The following CKAP4 variants were observed in gnomAD, a reference collection of about 807,000 sequenced individuals.
CKAP4 encodes the protein cytoskeleton associated protein 4.
A neutral mutation model predicts 24.4 loss-of-function variants in CKAP4; 20 were observed. The observed-to-expected ratio is 0.82, with a 90% CI of 0.58 to 1.19. The LOEUF is 1.19. Ranked by LOEUF, CKAP4 falls within the 50% of genes most tolerant of loss-of-function variation. The pLI is 0.00. For synonymous variants in CKAP4, 378 were observed against 351.7 expected, an observed-to-expected ratio of 1.07 and a Z score of -0.84; for missense variants, 744 against 765.3, an observed-to-expected ratio of 0.97 and a Z score of 0.33.
rs542337579 is a variant in CKAP4 at position 106,238,053 on chromosome 12, A to G, written c.*971T>C. 6 of 145,440 alleles carry G rather than the reference A, an allele frequency of 4.1e-5. No individual in the cohort carries two copies. The highest frequency in any genetic ancestry group is 9.0e-5 in the Non-Finnish European group (6 of 66,900). The allele number at this position is 145,440 out of a possible 1,614,324, so 9.0% of individuals were successfully genotyped here. A position where few individuals can be genotyped will look rare whatever the true frequency, so the allele number is the denominator to read the frequency against. ...AGGGCAAGACAGCCATTAAAGAACA[A>G]TACAGCTCAGAGGGAAGGGAGATAC... On this transcript the variant is annotated 3_prime_UTR_variant, in exon 2 of 2. Coordinates refer to ENST00000378026, the MANE Select transcript of CKAP4 (RefSeq NM_006825.4).
intron 1 of CKAP4, among the ~76,000 whole-genome samples, chr12:106,241,461 T>G (rs969274094): frequency 6.7e-6 from 1 of 150,172 alleles, no homozygotes; most frequent in Non-Finnish European, 1.5e-5. Context: ...GCCTCCCGAG[T>G]AGCTGGGACT....
At chr12:106,241,233 G>A (rs1182432194) in intron 1 of CKAP4, among the ~76,000 whole-genome samples, 1 of 152,154 alleles carries the variant, frequency 6.6e-6, no homozygotes, top group Non-Finnish European at 1.5e-5. Flanking sequence ...AAACAAACAG[G>A]GAAAGGAGTA....
At chr12:106,243,231 A>G (rs140993293) in intron 1 of CKAP4, among the ~76,000 whole-genome samples, 1 of 152,226 alleles carries the variant, frequency 6.6e-6, no homozygotes, top group Admixed American at 6.5e-5. Context: ...CCCTCACCAT[A>G]ATCTCATGAG....
chr12:106,242,519 G>T (rs1472128212), intron 1 of CKAP4, among the ~76,000 whole-genome samples: 3 of 152,194 alleles, frequency 2.0e-5, no homozygotes, highest in African/African-American at 7.2e-5. Context: ...GTGCTGTCTA[G>T]CTCCATCAGT....
intron 1 of CKAP4, among the ~76,000 whole-genome samples, chr12:106,241,305 TAAAC>T (rs1352798179): frequency 2.1e-4 from 32 of 150,360 alleles, no homozygotes; most frequent in African/African-American, 7.8e-4. Context: ...ATGCTTTGGG[TAAAC>T]TAAAAATGTC....
chr12:106,243,038 G>T (rs1026985299), intron 1 of CKAP4, among the ~76,000 whole-genome samples: 1 of 152,212 alleles, frequency 6.6e-6, no homozygotes, highest in Non-Finnish European at 1.5e-5. Flanking sequence ...ACAAATGTGG[G>T]ATGCCCACTA....
intron 1 of CKAP4, among the ~76,000 whole-genome samples, chr12:106,244,510 A>C (rs1428145816): frequency 2.0e-5 from 3 of 152,264 alleles, no homozygotes; most frequent in Non-Finnish European, 4.4e-5. Context: ...AGCCAGGCGC[A>C]GTGGCTCACA....
intron 1 of CKAP4, among the ~76,000 whole-genome samples, chr12:106,241,958 A>C (rs2033973939): frequency 6.6e-6 from 1 of 152,126 alleles, no homozygotes; most frequent in Admixed American, 6.5e-5. Context: ...ATGGCAAAAC[A>C]TCAGTAATTC....
At position 106,240,115 on chromosome 12, in the gene CKAP4, G is replaced by A. The variant is rs748427432; in HGVS notation, c.718C>T (p.Arg240Trp). ...ATGGATTTGGTGAGCTCCGTCAGCC[G>A]CTCCTCCACCGTGTTCTCCAGGGAC... ...FTSLENTVEE[R>W]LTELTKSIND... The change falls in exon 2 of 2, where the codon CGG becomes TGG. Residue 240 changes from arginine (R) to tryptophan (W), a missense_variant. Physicochemically the swap from Arg to Trp is moderately radical, Grantham distance 101. Coordinates refer to ENST00000378026, the MANE Select transcript of CKAP4 (RefSeq NM_006825.4). The A allele has an allele frequency of 1.9e-6, 3 of 1,614,126 alleles. No homozygotes were observed. Among genetic ancestry groups the A allele is most frequent in the Non-Finnish European group, 2.5e-6 (3 of 1,180,030 alleles).
At chr12:106,245,222 G>A (rs1409294509) in intron 1 of CKAP4, among the ~76,000 whole-genome samples, 4 of 151,988 alleles carry the variant, frequency 2.6e-5, no homozygotes, top group Non-Finnish European at 4.4e-5. Context: ...CCTGGCCACC[G>A]GGATACAGGC....
rs2034020923 is a variant in CKAP4, at chr12:106,247,315, GTGGGTCC to G, written c.483+47_483+53del. 3 of 1,453,352 alleles carry G rather than the reference GTGGGTCC, an allele frequency of 2.1e-6. No homozygotes were observed. The highest frequency in any genetic ancestry group is 2.8e-6 in the Non-Finnish European group (3 of 1,090,078). 90.0% of individuals were successfully genotyped at this position (1,453,352 alleles called of 1,614,324 possible). ...TCGGGAAGCACGAAGGAGCCCGGCC[GTGGGTCC>G]GGAGGCCGCAGTCGATGGGGACAGT... On this transcript the variant is annotated intron_variant, in intron 1 of 1. Transcript: ENST00000378026. The surrounding 1 kb of genome is among the most constrained non-coding windows in gnomAD (Gnocchi z 4.5).
chr12:106,247,804 C>A lies in CKAP4; in HGVS notation c.48G>T (p.Ala16=). The part of the protein sequence containing the change: ...QRGSKGGHGA[A]SPSEKGAHPS... ...GGTGGGCACCCTTCTCCGAGGGGCT[C>A]GCGGCGCCGTGGCCGCCCTTGGAGC... The change falls in exon 1 of 2, where the codon GCG becomes GCT. Residue 16 remains alanine (A), a synonymous_variant. Transcript: ENST00000378026. The surrounding 1 kb of genome is among the most constrained non-coding windows in gnomAD (Gnocchi z 4.5). 3.8e-6 allele frequency: 4 copies of A among 1,051,020 alleles called. No homozygotes were observed. Among genetic ancestry groups the A allele is most frequent in the South Asian group, 4.3e-5 (1 of 23,082 alleles). The allele number at this position is 1,051,020 out of a possible 1,614,324, so 65.1% of individuals were successfully genotyped here. A position where few individuals can be genotyped will look rare whatever the true frequency, so the allele number is the denominator to read the frequency against.
rs1592896065 is a variant in CKAP4, at chr12:106,238,874, A to G, written c.*150T>C. ...ATTGTAAATAAGTTAACTGGGCATG[A>G]AAATACAATGCCTTGGTGTTCAGGT... On this transcript the variant is annotated 3_prime_UTR_variant, in exon 2 of 2. Coordinates refer to ENST00000378026, the MANE Select transcript of CKAP4 (RefSeq NM_006825.4). The G allele has an allele frequency of 7.3e-6, 6 of 817,278 alleles. No homozygotes were observed. The East Asian group carries it at 1.5e-4, about 20-fold the overall frequency. The allele number at this position is 817,278 out of a possible 1,614,324, so 50.6% of individuals were successfully genotyped here.
intron 1 of CKAP4, among the ~76,000 whole-genome samples, chr12:106,243,762 A>T (rs2033986020): frequency 6.6e-6 from 1 of 152,202 alleles, no homozygotes; most frequent in Non-Finnish European, 1.5e-5. Context: ...AACAAGAGAC[A>T]GGTGGGCACC....
At chr12:106,243,152 A>G (rs959495317) in intron 1 of CKAP4, among the ~76,000 whole-genome samples, 12 of 152,184 alleles carry the variant, frequency 7.9e-5, no homozygotes, top group African/African-American at 2.9e-4. Flanking sequence ...GCAGTGGTTG[A>G]CATTCAACCG....
At chr12:106,241,196 T>C (rs2033967147) in intron 1 of CKAP4, among the ~76,000 whole-genome samples, 1 of 152,152 alleles carries the variant, frequency 6.6e-6, no homozygotes, top group African/African-American at 2.4e-5. Flanking sequence ...GTAATCTTTG[T>C]TAGGTATGAT....
chr12:106,238,952 T>TG lies in CKAP4; in HGVS notation c.*71dup, dbSNP rs2033937905. 6.5e-7 allele frequency: 1 copy of TG among 1,546,808 alleles called. No homozygotes were observed. ...AAGAAATTGGGGGGTAGGGGACACATGGGAAAAAACCACACATTTTTTGGT... is the reference window on the plus strand; with the variant it reads ...AAGAAATTGGGGGGTAGGGGACACATGGGGAAAAAACCACACATTTTTTGGT... On this transcript the variant is annotated 3_prime_UTR_variant, in exon 2 of 2. Transcript: ENST00000378026.
chr12:106,245,235 A>T (rs1176334642), intron 1 of CKAP4, among the ~76,000 whole-genome samples: 1 of 152,108 alleles, frequency 6.6e-6, no homozygotes, highest in South Asian at 2.1e-4. Flanking sequence ...ATACAGGCGA[A>T]ATTCCACACC....
At position 106,240,164 on chromosome 12, in the gene CKAP4, C is replaced by T. The variant is rs2033958138; in HGVS notation, c.669G>A (p.Lys223=). The T allele has an allele frequency of 6.2e-7, 1 of 1,614,112 alleles. No individual in the cohort carries two copies. Among genetic ancestry groups the T allele is most frequent in the African/African-American group, 1.3e-5 (1 of 74,952 alleles). Residue 223 remains lysine (K), a synonymous_variant, in exon 2 of 2, where the codon AAG becomes AAA. Transcript: ENST00000378026. ...KDLSDGIHVV[K]DARERDFTSL... ...ACGTGAAGTCCCGCTCCCGGGCGTC[C>T]TTCACCACATGGATCCCATCCGAGA...
Sources: allele counts gnomAD v4.1 joint callset (sites outside exome capture counted in the v4.1 genomes callset), GRCh38; gene constraint gnomAD v4.1.1; non-coding constraint Gnocchi (gnomAD v3.1); transcripts MANE v1.5; gene names NCBI Gene and HGNC (gene_info 2026-07-23, HGNC 2026-07-21).